KAT2B: variants seen among roughly 807,000 people sequenced by gnomAD.
The protein encoded by KAT2B is histone acetyltransferase KAT2B.
Under a neutral mutation model 105.9 loss-of-function variants are expected in KAT2B, and 36 were observed. The ratio of observed to expected loss-of-function variants is 0.34; its 90% confidence interval spans 0.26 to 0.45. KAT2B has a LOEUF of 0.45. Ranked by LOEUF, KAT2B falls within the 20% of genes least tolerant of loss-of-function variation. The probability of loss-of-function intolerance (pLI) is 1.00; values close to 1 mark genes in which losing one functional copy is unlikely to be tolerated. For missense variants in KAT2B, 820 were observed against 1,021.6 expected (o/e 0.80, Z 2.69); for synonymous variants, 397 against 377.9 (o/e 1.05, Z -0.59).
intron 9 of KAT2B, among the ~76,000 whole-genome samples, chr3:20,123,712 C>A (rs2125176638): frequency 6.6e-6 from 1 of 152,276 alleles, no homozygotes; most frequent in Middle Eastern, 3.4e-3. Flanking sequence ...GTTTAGTCTC[C>A]TTTAAAACAA....
chr3:20,072,329 T>C lies in KAT2B; in HGVS notation c.304-4T>C, dbSNP rs1467270814. The C allele has an allele frequency of 1.2e-6, 2 of 1,613,494 alleles. No individual in the cohort carries two copies. The highest frequency in any genetic ancestry group is 8.5e-7 in the Non-Finnish European group (1 of 1,179,546). ...TTTTGTCTCTTTCTTTATTCCATTT[T>C]TAGGCCGAGGAGTCTTGTAAATGTA... On this transcript the variant is annotated splice_polypyrimidine_tract_variant and splice_region_variant and intron_variant, in intron 1 of 17. Transcript: ENST00000263754.
chr3:20,125,260 G>A (rs1200973575), intron 9 of KAT2B, among the ~76,000 whole-genome samples: 1 of 149,290 alleles, frequency 6.7e-6, no homozygotes, highest in Non-Finnish European at 1.5e-5. Context: ...AGCTGAGATA[G>A]CGCCACTGCA....
chr3:20,097,276 A>G (rs1013319943), intron 3 of KAT2B, among the ~76,000 whole-genome samples: 8 of 152,170 alleles, frequency 5.3e-5, no homozygotes, highest in African/African-American at 1.9e-4. Flanking sequence ...GTCAGCCTCT[A>G]TTTAGTTTAT....
rs552545462 is a variant in KAT2B, at chr3:20,101,378, G to A, written c.761G>A (p.Arg254His). 59 of 1,613,638 alleles carry A rather than the reference G, an allele frequency of 3.7e-5. No individual in the cohort carries two copies. The highest frequency in any genetic ancestry group is 5.3e-5 in the African/African-American group (4 of 74,896). The stretch of plus-strand genomic sequence containing the variant: ...GAGTTGGCAAAAATGTTCCTAAACC[G>A]CATCAACTATTGGCATCTGGAGGCA... ...IVELAKMFLN[R>H]INYWHLEAPS... The change falls in exon 5 of 18, where the codon CGC becomes CAC. Residue 254 changes from arginine (R) to histidine (H), a missense_variant. By Grantham distance (29) the Arg-to-His change is conservative. Transcript: ENST00000263754.
At chr3:20,125,838 TG>T in intron 9 of KAT2B, 66 bp from the exon 10 acceptor site, 1 of 1,268,642 alleles carries the variant, frequency 7.9e-7, no homozygotes, top group Non-Finnish European at 1.1e-6. Flanking sequence ...GAAGCTTGGA[TG>T]TGTCCCATCC....
At chr3:20,126,536 A>G (rs1406368105) in intron 10 of KAT2B, among the ~76,000 whole-genome samples, 1 of 151,668 alleles carries the variant, frequency 6.6e-6, no homozygotes, top group Non-Finnish European at 1.5e-5. Context: ...AAAAACAAAA[A>G]ACTAGGCCGG....
In KAT2B at chr3:20,140,204, A is replaced by G; in HGVS notation, c.1861-17A>G. 6.5e-7 allele frequency: 1 copy of G among 1,532,486 alleles called. No individual in the cohort carries two copies. Among genetic ancestry groups the G allele is most frequent in the Non-Finnish European group, 9.0e-7 (1 of 1,106,620 alleles). The allele number at this position is 1,532,486 out of a possible 1,614,324, so 94.9% of individuals were successfully genotyped here. A position where few individuals can be genotyped will look rare whatever the true frequency, so the allele number is the denominator to read the frequency against. ...TGGTGTATGGTGTTCATATGAATGA[A>G]TTTACTTGCTTTTCAGGGTTTCTCC... On this transcript the variant is annotated splice_polypyrimidine_tract_variant and intron_variant, in intron 12 of 17. Transcript: ENST00000263754.
At chr3:20,042,587 C>T (rs1915922) in intron 1 of KAT2B, among the ~76,000 whole-genome samples, 36,479 of 152,088 alleles carry the variant, frequency 0.24, 4,740 homozygotes, top group African/African-American at 0.33. Flanking sequence ...CTTGGCGTTT[C>T]GCAGCCAAAG....
At chr3:20,144,214 A>C (rs1360934435) in intron 13 of KAT2B, among the ~76,000 whole-genome samples, 1 of 151,268 alleles carries the variant, frequency 6.6e-6, no homozygotes, top group South Asian at 2.1e-4. Context: ...GAAACTTTCA[A>C]ATTGAAACAG....
At chr3:20,097,150 A>G (rs1698825678) in intron 3 of KAT2B, among the ~76,000 whole-genome samples, 1 of 152,142 alleles carries the variant, frequency 6.6e-6, no homozygotes, top group African/African-American at 2.4e-5. Flanking sequence ...AAAAGATCTT[A>G]GTTGAAGAAA....
chr3:20,123,596 G>T (rs544923187), intron 9 of KAT2B, among the ~76,000 whole-genome samples: 1 of 152,142 alleles, frequency 6.6e-6, no homozygotes, highest in Non-Finnish European at 1.5e-5. Context: ...ATATAAAACC[G>T]TATTTAAATT....
chr3:20,102,023 G>T (rs1698919356), intron 5 of KAT2B, among the ~76,000 whole-genome samples: 1 of 151,988 alleles, frequency 6.6e-6, no homozygotes, highest in Non-Finnish European at 1.5e-5. Flanking sequence ...TGAAGTTAAA[G>T]AATTTTTTTT....
Position 20,072,554 on chromosome 3 carries a change from C to T in KAT2B, c.430+95C>T. On this transcript the variant is annotated intron_variant, in intron 2 of 17. Transcript: ENST00000263754. ...TCTGTGGGTTCACCAAATTTGAATG[C>T]TGTGTACCTCTGTATGAGAGCAACA... 23 of 1,135,406 alleles carry T rather than the reference C, an allele frequency of 2.0e-5. 1 individual carries two copies. The South Asian group carries it at 3.0e-4, about 15-fold the overall frequency. The allele number at this position is 1,135,406 out of a possible 1,614,324, so 70.3% of individuals were successfully genotyped here. A position where few individuals can be genotyped will look rare whatever the true frequency, so the allele number is the denominator to read the frequency against.
intron 9 of KAT2B, among the ~76,000 whole-genome samples, chr3:20,123,324 C>T (rs1037036071): frequency 1.3e-5 from 2 of 152,144 alleles, no homozygotes; most frequent in African/African-American, 4.8e-5. Context: ...TCTTACATAA[C>T]CACAATGCAG....
chr3:20,123,845 A>G (rs987159702), intron 9 of KAT2B, among the ~76,000 whole-genome samples: 1 of 152,178 alleles, frequency 6.6e-6, no homozygotes, highest in Admixed American at 6.5e-5. Flanking sequence ...GATTCAAGTA[A>G]GGCATTTTTG....
intron 2 of KAT2B, among the ~76,000 whole-genome samples, chr3:20,074,659 T>C (rs1698386699): frequency 6.6e-6 from 1 of 152,182 alleles, no homozygotes; most frequent in Admixed American, 6.5e-5. Context: ...TACTAGTAGC[T>C]TCTAGAAGCT....
At chr3:20,062,263 T>TAC (rs1214582045) in intron 1 of KAT2B, among the ~76,000 whole-genome samples, 1 of 51,980 alleles carries the variant, frequency 1.9e-5, no homozygotes, top group African/African-American at 5.6e-5. Flanking sequence ...AAATATGATA[T>TAC]ATAATATATA....
intron 1 of KAT2B, among the ~76,000 whole-genome samples, chr3:20,051,315 T>C (rs921969360): frequency 2.0e-5 from 3 of 151,868 alleles, no homozygotes; most frequent in Non-Finnish European, 2.9e-5. Flanking sequence ...GGTGGGTGCA[T>C]GTGGGCTGAT....
chr3:20,142,337 T>A (rs1699708491), intron 13 of KAT2B, among the ~76,000 whole-genome samples: 1 of 152,190 alleles, frequency 6.6e-6, no homozygotes, highest in Non-Finnish European at 1.5e-5. Context: ...CTTAACCTAG[T>A]TTTTAAAAAA....
Sources: allele counts gnomAD v4.1 joint callset (sites outside exome capture counted in the v4.1 genomes callset), GRCh38; gene constraint gnomAD v4.1.1; transcripts MANE v1.5; gene names NCBI Gene and HGNC (gene_info 2026-07-23, HGNC 2026-07-21).